Variants in NUP205 observed in about 807,000 individuals in gnomAD.
NUP205 encodes the protein nucleoporin 205.
Under a neutral mutation model 253.8 loss-of-function variants are expected in NUP205, and 76 were observed. That is an observed-to-expected ratio of 0.30 (90% confidence interval 0.25 to 0.36). NUP205 has a LOEUF of 0.36. Among genes scored for constraint, NUP205 ranks in the 10% least tolerant of loss-of-function variants. The pLI is 1.00. For missense variants in NUP205, 2,162 were observed against 2,425.5 expected, an observed-to-expected ratio of 0.89 and a Z score of 2.28; for synonymous variants, 832 against 850.1, an observed-to-expected ratio of 0.98 and a Z score of 0.37.
At chr7:135,621,387 G>T (rs1328968520) in intron 30 of NUP205, among the ~76,000 whole-genome samples, 1 of 152,174 alleles carries the variant, frequency 6.6e-6, no homozygotes, top group Non-Finnish European at 1.5e-5. Flanking sequence ...TCTTTTGTGT[G>T]TGTGTTTTTC....
At chr7:135,586,870 C>A (rs1354755303) in intron 8 of NUP205, among the ~76,000 whole-genome samples, 1 of 152,102 alleles carries the variant, frequency 6.6e-6, no homozygotes, top group Non-Finnish European at 1.5e-5. Flanking sequence ...TTATGTACAC[C>A]TGAAAGGAAC....
chr7:135,636,149 T>C (rs1028924211), intron 36 of NUP205, among the ~76,000 whole-genome samples: 3 of 152,174 alleles, frequency 2.0e-5, no homozygotes, highest in Admixed American at 6.6e-5. Flanking sequence ...TTCTAACATA[T>C]TAGTTTGTCA....
chr7:135,632,752 G>A (rs879259982), intron 35 of NUP205, among the ~76,000 whole-genome samples: 3 of 152,082 alleles, frequency 2.0e-5, no homozygotes, highest in Non-Finnish European at 4.4e-5. Context: ...CTAAGGTCCT[G>A]TAGTGTTGTG....
At chr7:135,605,723 T>A (rs1794072590) in intron 19 of NUP205, among the ~76,000 whole-genome samples, 1 of 152,178 alleles carries the variant, frequency 6.6e-6, no homozygotes, top group South Asian at 2.1e-4. Flanking sequence ...CAAAATCAGC[T>A]CAGAAATAGA....
At chr7:135,640,308 A>G (rs975250382) in intron 38 of NUP205, among the ~76,000 whole-genome samples, 2 of 152,360 alleles carry the variant, frequency 1.3e-5, no homozygotes, top group African/African-American at 4.8e-5. Context: ...GATAAATTCT[A>G]TTATAAAAGG....
chr7:135,603,732 A>G (rs1794018502), intron 18 of NUP205, among the ~76,000 whole-genome samples: 1 of 149,888 alleles, frequency 6.7e-6, no homozygotes, highest in Non-Finnish European at 1.5e-5. Context: ...CTGGTCTCAA[A>G]CTCCTGACCT....
intron 2 of NUP205, among the ~76,000 whole-genome samples, chr7:135,571,750 A>G (rs1236641449): frequency 6.6e-6 from 1 of 151,772 alleles, no homozygotes; most frequent in Non-Finnish European, 1.5e-5. Context: ...TAAAATGTAT[A>G]ATTATTATTG....
At chr7:135,578,686 T>A in intron 6 of NUP205, 65 bp from the exon 7 acceptor site, 1 of 1,175,148 alleles carries the variant, frequency 8.5e-7, no homozygotes, top group Non-Finnish European at 1.2e-6. Flanking sequence ...TGGATATTAT[T>A]CCTGTGTATC....
intron 25 of NUP205, 86 bp downstream of exon 25, chr7:135,616,812 C>T: frequency 2.6e-6 from 2 of 783,600 alleles, no homozygotes; most frequent in Non-Finnish European, 1.9e-6. Context: ...ATGCCTGTGC[C>T]TCCAAACTCT....
intron 4 of NUP205, 121 bp downstream of exon 4, chr7:135,576,535 T>G: frequency 1.3e-6 from 1 of 793,316 alleles, no homozygotes; most frequent in Non-Finnish European, 2.0e-6. Context: ...TACTCCCTTA[T>G]TCTGCCAAGA....
At chr7:135,639,409 C>A (rs1037403388) in intron 38 of NUP205, among the ~76,000 whole-genome samples, 1 of 151,878 alleles carries the variant, frequency 6.6e-6, no homozygotes, top group South Asian at 2.1e-4. Context: ...TATTAGTGGC[C>A]GGGTGTGTGG....
chr7:135,590,735 G>A (rs564896579), intron 10 of NUP205, among the ~76,000 whole-genome samples: 3 of 151,976 alleles, frequency 2.0e-5, no homozygotes, highest in South Asian at 2.1e-4. Context: ...GTTTCACCAT[G>A]TTGGCCAGGA....
intron 1 of NUP205, among the ~76,000 whole-genome samples, chr7:135,568,761 A>G (rs1222900778): frequency 1.3e-5 from 2 of 152,152 alleles, no homozygotes; most frequent in Non-Finnish European, 2.9e-5. Context: ...TAATCTTGCT[A>G]CTGCTCTGAA....
chr7:135,607,330 G>A lies in NUP205; in HGVS notation c.3154G>A (p.Ala1052Thr), dbSNP rs1315378892. The change falls in exon 22 of 43, where the codon GCG becomes ACG. Residue 1052 changes from alanine (A) to threonine (T), a missense_variant. Ala to Thr is a moderately conservative substitution (Grantham distance 58). This residue lies in a region of NUP205 where 1,144 missense variants were observed against 1,280.9 expected (regional missense o/e 0.89). Coordinates refer to ENST00000285968, the MANE Select transcript of NUP205 (RefSeq NM_015135.3). ...KGTEGRTGPV[A>T]VRESPQLAEL... Reference sequence around the variant, plus strand: ...AACGGAAGGGAGAACAGGCCCAGTGGCGGTGCGAGAATCTCCTCAGCTGGC... The same window carrying A: ...AACGGAAGGGAGAACAGGCCCAGTGACGGTGCGAGAATCTCCTCAGCTGGC... 8.7e-6 allele frequency: 14 copies of A among 1,613,964 alleles called. No homozygotes were observed. Among genetic ancestry groups the A allele is most frequent in the African/African-American group, 2.7e-5 (2 of 74,930 alleles).
At chr7:135,631,437 C>T (rs950855368) in intron 35 of NUP205, among the ~76,000 whole-genome samples, 3 of 152,124 alleles carry the variant, frequency 2.0e-5, no homozygotes, top group Admixed American at 1.3e-4. Flanking sequence ...TGGTTACTTT[C>T]CCCCCTTATA....
At chr7:135,571,994 G>C (rs1806009065) in intron 2 of NUP205, among the ~76,000 whole-genome samples, 1 of 152,138 alleles carries the variant, frequency 6.6e-6, no homozygotes, top group South Asian at 2.1e-4. Flanking sequence ...TCACTCCTAA[G>C]TAGCTGGGAC....
chr7:135,602,948 A>T lies in NUP205; in HGVS notation c.2656A>T (p.Ile886Phe). Residue 886 changes from isoleucine (I) to phenylalanine (F), a missense_variant, in exon 18 of 43, where the codon ATT (isoleucine) becomes TTT (phenylalanine). By Grantham distance (21) the Ile-to-Phe change is conservative. Transcript: ENST00000285968. ...TCCTTTAGAACAGCTTTTGCAGGGA[A>T]TTAATCCCAGAACTAAGAAGGCAGA... ...VCPLEQLLQG[I>F]NPRTKKADNV... 2.5e-6 allele frequency: 4 copies of T among 1,613,694 alleles called. No homozygotes were observed. Among genetic ancestry groups the T allele is most frequent in the Non-Finnish European group, 3.4e-6 (4 of 1,179,748 alleles).
chr7:135,618,288 T>G (rs946532677), intron 27 of NUP205, 124 bp from the exon 28 acceptor site: 9 of 755,948 alleles, frequency 1.2e-5, no homozygotes, highest in Non-Finnish European at 2.0e-5. Context: ...TGAAATAATA[T>G]GAAAAGATAC....
Position 135,571,341 on chromosome 7 carries a change from A to T in NUP205, c.171+94A>T, listed in dbSNP as rs575350448. On this transcript the variant is annotated intron_variant, in intron 2 of 42. Coordinates refer to ENST00000285968, the MANE Select transcript of NUP205 (RefSeq NM_015135.3). ...CTTTTCTTTTTTTTTTAATTTTCAA[A>T]TTTTTTTCAGAAATTTATTTACTGT... 2.2e-4 allele frequency: 189 copies of T among 876,904 alleles called. 1 individual carries two copies. Among genetic ancestry groups the T allele is most frequent in the Non-Finnish European group, 2.6e-4 (167 of 648,492 alleles). 54.3% of individuals were successfully genotyped at this position (876,904 alleles called of 1,614,324 possible).
Sources: allele counts gnomAD v4.1 joint callset (sites outside exome capture counted in the v4.1 genomes callset), GRCh38; gene constraint gnomAD v4.1.1; regional missense constraint gnomAD v4.1.1; transcripts MANE v1.5; gene names NCBI Gene and HGNC (gene_info 2026-07-23, HGNC 2026-07-21).